Variants in TRPT1 observed in about 807,000 individuals in gnomAD.
TRPT1 encodes tRNA phosphotransferase 1.
A neutral mutation model predicts 28.4 loss-of-function variants in TRPT1; 22 were observed. The ratio of observed to expected loss-of-function variants is 0.78; its 90% CI spans 0.55 to 1.11. The LOEUF is 1.11. Ranked by LOEUF, TRPT1 falls within the 50% of genes least tolerant of loss-of-function variation. The pLI is 0.00. For synonymous variants in TRPT1, 137 were observed against 132.4 expected (o/e 1.03, Z -0.24); for missense variants, 308 against 317.7 (o/e 0.97, Z 0.23).
chr11:64,224,728 G>C lies in TRPT1; in HGVS notation c.328-11C>G. Reference sequence around the variant, plus strand: ...CTCCAACTTAGGTACCTGGTTGAACGGGTAGCAGTGAGACCCCCTTCGCAG... The same window carrying C: ...CTCCAACTTAGGTACCTGGTTGAACCGGTAGCAGTGAGACCCCCTTCGCAG... On this transcript the variant is annotated splice_polypyrimidine_tract_variant and intron_variant, in intron 4 of 7. Coordinates refer to ENST00000317459, the MANE Select transcript of TRPT1 (RefSeq NM_001033678.4). 1 of 1,599,770 alleles carries C rather than the reference G, an allele frequency of 6.3e-7. No individual in the cohort carries two copies.
In TRPT1 at chr11:64,224,595, C is replaced by T; in HGVS notation, c.450G>A (p.Arg150=). ...ILLKGLSCQG[R]THIHLAPGLP... ...GTCCTGGGGCCAGGTGAATGTGCGT[C>T]CTTCCCTGGCAGGACAGGCCTTTGA... The change falls in exon 5 of 8, where the codon AGG becomes AGA. Residue 150 remains arginine, a synonymous_variant. Coordinates refer to ENST00000317459, the MANE Select transcript of TRPT1 (RefSeq NM_001033678.4). 6.3e-7 allele frequency: 1 copy of T among 1,596,520 alleles called. No homozygotes were observed. The highest frequency in any genetic ancestry group is 8.5e-7 in the Non-Finnish European group (1 of 1,170,272).
intron 3 of TRPT1, 108 bp from the exon 4 acceptor site, chr11:64,225,078 G>A (rs992169754): frequency 1.6e-5 from 20 of 1,267,780 alleles, no homozygotes; most frequent in Non-Finnish European, 2.0e-5. Context: ...GATCGCTTGG[G>A]CATCCTCTGT....
Position 64,224,982 on chromosome 11 carries a change from C to A in TRPT1, c.158-12G>T, listed in dbSNP as rs1006699881. 12 of 1,549,806 alleles carry A rather than the reference C, an allele frequency of 7.7e-6. No homozygotes were observed. The highest frequency in any genetic ancestry group is 1.0e-5 in the Non-Finnish European group (12 of 1,147,756). ...GGGCACGAAGCCATCTGTGGGCAGG[C>A]AGGGTGCTCAGGAGCTAACCTTGCT... is the stretch of plus-strand genomic sequence containing the variant. On this transcript the variant is annotated splice_polypyrimidine_tract_variant and intron_variant, in intron 3 of 7. Coordinates refer to ENST00000317459, the MANE Select transcript of TRPT1 (RefSeq NM_001033678.4).
intron 5 of TRPT1, 31 bp from the exon 6 acceptor site, chr11:64,224,372 C>T: frequency 6.2e-7 from 1 of 1,612,982 alleles, no homozygotes; most frequent in Non-Finnish European, 8.5e-7. Context: ...GAGGCCTGGG[C>T]ACCTGGAGTG....
Position 64,223,878 on chromosome 11 carries a change from A to G in TRPT1, c.760T>C (p.Ter254GlnextTer5). ...TTTCTTTTTTATAAATTAATATTTT[A>G]TTGTTGGATCCTCCTCCTTTCTCTG... ...SSRERRRIQQ[*>Q] Residue 254 changes from the stop codon to glutamine (Q), a stop_lost, in exon 8 of 8, where the codon TAA becomes CAA. Transcript: ENST00000317459. The G allele has an allele frequency of 1.3e-6, 2 of 1,579,674 alleles. No individual in the cohort carries two copies. The highest frequency in any genetic ancestry group is 2.3e-5 in the South Asian group (2 of 85,214).
At position 64,224,959 on chromosome 11, in the gene TRPT1, G is replaced by A. The variant is rs776293257; in HGVS notation, c.169C>T (p.Pro57Ser). 2.6e-6 allele frequency: 4 copies of A among 1,559,860 alleles called. No individual in the cohort carries two copies. In the African/African-American group the frequency reaches 4.1e-5, roughly 16 times the overall value. The change falls in exon 4 of 8, where the codon CCC (proline) becomes TCC (serine). Residue 57 changes from proline (P) to serine (S), a missense_variant. Coordinates refer to ENST00000317459, the MANE Select transcript of TRPT1 (RefSeq NM_001033678.4). ...GGCAACTGCAGGAGGGTGCCCAGGGGCACGAAGCCATCTGTGGGCAGGCAG... is the reference window on the plus strand; with the variant it reads ...GGCAACTGCAGGAGGGTGCCCAGGGACACGAAGCCATCTGTGGGCAGGCAG... ...GLPMGADGFV[P>S]LGTLLQLPQF...
At chr11:64,223,801 C>T (rs1739820766), downstream of TRPT1, 4 of 1,082,588 alleles carry the variant, frequency 3.7e-6, no homozygotes, top group African/African-American at 3.2e-5. Context: ...GATGTAGCTA[C>T]AGGATGATGA....
At chr11:64,224,047 G>T (rs539086044) in intron 7 of TRPT1, 53 bp downstream of exon 7, 274 of 1,592,018 alleles carry the variant, frequency 1.7e-4, no homozygotes, top group Non-Finnish European at 2.1e-4. Context: ...GGTGAGGGCA[G>T]AAGGGCACAG....
chr11:64,224,593 G>T lies in TRPT1; in HGVS notation c.452C>A (p.Thr151Lys). ...CAGTCCTGGGGCCAGGTGAATGTGC[G>T]TCCTTCCCTGGCAGGACAGGCCTTT... ...LLKGLSCQGR[T>K]HIHLAPGLPG... is the part of the protein sequence containing the mutation. Residue 151 changes from threonine (T) to lysine (K), a missense_variant, in exon 5 of 8, where the codon ACG becomes AAG. Transcript: ENST00000317459. 4 of 1,595,378 alleles carry T rather than the reference G, an allele frequency of 2.5e-6. No individual in the cohort carries two copies. Among genetic ancestry groups the T allele is most frequent in the Non-Finnish European group, 3.4e-6 (4 of 1,169,718 alleles).
Position 64,224,806 on chromosome 11 carries a change from G to A in TRPT1, c.322C>T (p.Leu108=), listed in dbSNP as rs1323516064. The change falls in exon 4 of 8, where the codon CTG becomes TTG. Residue 108 remains leucine, a synonymous_variant. Transcript: ENST00000317459. ...LLIRANQGHS[L]QVPKLELMPL... ...ACTTGTCCCCTCACCCCGACCTGCA[G>A]GGAATGGCCCTGGTTGGCCCGGATG... The A allele has an allele frequency of 1.9e-6, 3 of 1,613,790 alleles. No individual in the cohort carries two copies. Among genetic ancestry groups the A allele is most frequent in the African/African-American group, 1.3e-5 (1 of 75,052 alleles).
chr11:64,224,719 T>A lies in TRPT1; in HGVS notation c.328-2A>T. On this transcript the variant is annotated splice_acceptor_variant, in intron 4 of 7. Coordinates refer to ENST00000317459, the MANE Select transcript of TRPT1 (RefSeq NM_001033678.4). LOFTEE classifies it high-confidence loss of function. ...GGGCATCAGCTCCAACTTAGGTACC[T>A]GGTTGAACGGGTAGCAGTGAGACCC... 1 of 1,597,124 alleles carries A rather than the reference T, an allele frequency of 6.3e-7. No individual in the cohort carries two copies. The highest frequency in any genetic ancestry group is 8.6e-7 in the Non-Finnish European group (1 of 1,169,446).
chr11:64,226,181 G>A lies in TRPT1; in HGVS notation c.-141C>T, dbSNP rs1246332814. On this transcript the variant is annotated 5_prime_UTR_variant, in exon 1 of 8. Coordinates refer to ENST00000317459, the MANE Select transcript of TRPT1 (RefSeq NM_001033678.4). ...GACCGGGCGGAAGCGTCGGGGCGGCGGGGACAAACCTCCAGGATCCTCGAC... is the reference window on the plus strand; with the variant it reads ...GACCGGGCGGAAGCGTCGGGGCGGCAGGGACAAACCTCCAGGATCCTCGAC... 1 of 410,524 alleles carries A rather than the reference G, an allele frequency of 2.4e-6. No individual in the cohort carries two copies. The allele number at this position is 410,524 out of a possible 1,614,324, so 25.4% of individuals were successfully genotyped here.
In TRPT1 at chr11:64,224,962, C is replaced by A. The variant is rs759542485; in HGVS notation, c.166G>T (p.Val56Leu). ...AACTGCAGGAGGGTGCCCAGGGGCA[C>A]GAAGCCATCTGTGGGCAGGCAGGGT... ...LGLPMGADGF[V>L]PLGTLLQLPQ... Residue 56 changes from valine to leucine, a missense_variant, in exon 4 of 8, where the codon GTG becomes TTG. Physicochemically the swap from Val to Leu is conservative, Grantham distance 32. Transcript: ENST00000317459. 9.6e-6 allele frequency: 15 copies of A among 1,558,888 alleles called. No individual in the cohort carries two copies. The highest frequency in any genetic ancestry group is 1.3e-5 in the Non-Finnish European group (15 of 1,151,894).
chr11:64,224,238 A>T, intron 6 of TRPT1, 28 bp from the exon 7 acceptor site: 1 of 1,613,576 alleles, frequency 6.2e-7, no homozygotes, highest in Non-Finnish European at 8.5e-7. Context: ...GATGTGACTC[A>T]TGCCCTCCCC....
At chr11:64,225,358 C>G in intron 3 of TRPT1, 141 bp downstream of exon 3, 1 of 694,418 alleles carries the variant, frequency 1.4e-6, no homozygotes, top group African/African-American at 1.8e-5. Context: ...GGCTCTAGGC[C>G]TTGCTCTCCT....
In TRPT1 at chr11:64,223,953, A is replaced by G; in HGVS notation, c.685T>C (p.Leu229=). The G allele has an allele frequency of 6.2e-7, 1 of 1,613,956 alleles. No homozygotes were observed. Among genetic ancestry groups the G allele is most frequent in the East Asian group, 2.2e-5 (1 of 44,888 alleles). ...CACTCTGTCTCTTCATCACCAGCCAAGGAAAGGGGCTTTCCTGATAAAGAC... is the reference window on the plus strand; with the variant it reads ...CACTCTGTCTCTTCATCACCAGCCAGGGAAAGGGGCTTTCCTGATAAAGAC... ...QLRPTRKPLS[L]AGDEETECQS... is the part of the protein sequence containing the mutation. The change falls in exon 8 of 8, where the codon TTG becomes CTG. Residue 229 remains leucine (L), a synonymous_variant. Coordinates refer to ENST00000317459, the MANE Select transcript of TRPT1 (RefSeq NM_001033678.4).
At chr11:64,225,146 G>C in intron 3 of TRPT1, 176 bp from the exon 4 acceptor site, 1 of 728,364 alleles carries the variant, frequency 1.4e-6, no homozygotes, top group Non-Finnish European at 2.2e-6. Context: ...TACATAAAAA[G>C]AGGATCTGCC....
chr11:64,226,009 G>A, intron 1 of TRPT1, 41 bp downstream of exon 1: 1 of 614,232 alleles, frequency 1.6e-6, no homozygotes, highest in Non-Finnish European at 2.9e-6. Context: ...CCAAGTCCCT[G>A]CTGCAGAGAG....
In TRPT1 at chr11:64,226,101, A is replaced by C; in HGVS notation, c.-61T>G. 1 of 525,388 alleles carries C rather than the reference A, an allele frequency of 1.9e-6. No homozygotes were observed. Among genetic ancestry groups the C allele is most frequent in the Non-Finnish European group, 3.3e-6 (1 of 298,708 alleles). The allele number at this position is 525,388 out of a possible 1,614,324, so 32.5% of individuals were successfully genotyped here. A position where few individuals can be genotyped will look rare whatever the true frequency, so the allele number is the denominator to read the frequency against. Reference sequence around the variant, plus strand: ...GCAGGGAGGCCGAGCCCCGCACCCCAGATCGCTGGTGCGCCCCGCAGGGTG... The same window carrying C: ...GCAGGGAGGCCGAGCCCCGCACCCCCGATCGCTGGTGCGCCCCGCAGGGTG... On this transcript the variant is annotated 5_prime_UTR_variant, in exon 1 of 8. Transcript: ENST00000317459.
Sources: allele counts gnomAD v4.1 joint callset, GRCh38; gene constraint gnomAD v4.1.1; transcripts MANE v1.5; gene names NCBI Gene and HGNC (gene_info 2026-07-23, HGNC 2026-07-21).